The following WWOX variants were observed in gnomAD, a reference collection of about 807,000 sequenced individuals.
WWOX encodes WW domain containing oxidoreductase.
Under a neutral mutation model 46.2 loss-of-function variants are expected in WWOX, and 69 were observed. That is an observed-to-expected ratio of 1.49 (90% CI 1.23 to 1.82). The LOEUF is 1.82. Ranked by LOEUF, WWOX falls within the 40% of genes most tolerant of loss-of-function variation. The pLI is 0.00. For missense variants in WWOX, 919 were observed against 542.6 expected, an observed-to-expected ratio of 1.69 and a Z score of -6.89; for synonymous variants, 359 against 202.6, an observed-to-expected ratio of 1.77 and a Z score of -6.56.
At chr16:78,765,674 G>A (rs964720770) in intron 8 of WWOX, among the ~76,000 whole-genome samples, 1 of 152,032 alleles carries the variant, frequency 6.6e-6, no homozygotes. Flanking sequence ...GTGAGACTCT[G>A]TCTAAAAAAA....
rs76167771 is a variant in WWOX, at chr16:78,736,088, G to A, written c.1056+303336G>A. ...GCTTCGCTTGCTTTATCAAGGGAAT[G>A]TTCTTGGGACAAATGTGTGACAGGT... On this transcript the variant is annotated intron_variant, in intron 8 of 8. Transcript: ENST00000566780. 5.5e-3 allele frequency among the ~76,000 whole-genome samples: 842 copies of A among 152,308 alleles called. 6 individuals are homozygous for A. The highest frequency in any genetic ancestry group is 0.018 in the African/African-American group (763 of 41,562).
At chr16:78,357,028 A>T (rs2081309580) in intron 5 of WWOX, among the ~76,000 whole-genome samples, 1 of 152,176 alleles carries the variant, frequency 6.6e-6, no homozygotes, top group African/African-American at 2.4e-5. Context: ...ATTTGCTGAC[A>T]TCCATTTATC....
intron 8 of WWOX, among the ~76,000 whole-genome samples, chr16:78,991,761 G>A (rs1365292270): frequency 6.6e-6 from 1 of 152,044 alleles, no homozygotes; most frequent in South Asian, 2.1e-4. Flanking sequence ...GAAGGTGAGG[G>A]GCTTAACACA....
intron 8 of WWOX, among the ~76,000 whole-genome samples, 162 bp downstream of exon 8, chr16:78,432,914 G>C (rs1440607118): frequency 1.3e-5 from 2 of 152,188 alleles, no homozygotes; most frequent in African/African-American, 4.8e-5. Context: ...ATCAACTTTA[G>C]GTTAAGTCTG....
intron 5 of WWOX, among the ~76,000 whole-genome samples, chr16:78,386,497 C>A (rs1041922573): frequency 3.9e-5 from 6 of 152,174 alleles, no homozygotes; most frequent in African/African-American, 1.2e-4. Context: ...TTGCATCTTT[C>A]CATGATCGAG....
chr16:79,134,411 G>A (rs889381767), intron 8 of WWOX, among the ~76,000 whole-genome samples: 1 of 152,116 alleles, frequency 6.6e-6, no homozygotes, highest in Admixed American at 6.6e-5. Flanking sequence ...TCTGCAAAGA[G>A]GCAGGGGCTG....
At chr16:78,421,180 G>A (rs1265675394) in intron 6 of WWOX, among the ~76,000 whole-genome samples, 1 of 152,118 alleles carries the variant, frequency 6.6e-6, no homozygotes, top group East Asian at 1.9e-4. Flanking sequence ...ACCACAGATG[G>A]AGTGCCTCAA....
intron 5 of WWOX, among the ~76,000 whole-genome samples, chr16:78,208,904 T>C (rs1047432949): frequency 9.9e-5 from 15 of 152,202 alleles, no homozygotes; most frequent in African/African-American, 3.6e-4. Flanking sequence ...CAGCTTTTTA[T>C]TTATTTATTT....
chr16:78,483,195 T>C (rs1473368137), intron 8 of WWOX, among the ~76,000 whole-genome samples: 2 of 152,186 alleles, frequency 1.3e-5, no homozygotes, highest in East Asian at 1.9e-4. Flanking sequence ...AAAGATACTT[T>C]TACCTTTTTG....
intron 8 of WWOX, among the ~76,000 whole-genome samples, chr16:79,003,890 T>G (rs2047142093): frequency 6.6e-6 from 1 of 152,154 alleles, no homozygotes; most frequent in African/African-American, 2.4e-5. Context: ...ACTCCACCTC[T>G]CGATGAGAGG....
At chr16:79,149,189 C>G (rs547563208) in intron 8 of WWOX, among the ~76,000 whole-genome samples, 45 of 152,216 alleles carry the variant, frequency 3.0e-4, no homozygotes, top group African/African-American at 1.0e-3. Flanking sequence ...TGTTCTTTAT[C>G]AAGTTGAAGT....
At chr16:79,204,984 C>T (rs754178493) in intron 8 of WWOX, 1 of 152,146 alleles carries the variant, frequency 6.6e-6, no homozygotes, top group Non-Finnish European at 1.5e-5. Flanking sequence ...TGTCTTTTGT[C>T]AGGGAGAATG....
rs540036746 is a variant in WWOX at position 78,721,894 on chromosome 16, G to A, written c.1056+289142G>A. ...CACGTGCGTAGGAGCTGGAATTGTCGATAATGTCACAATCTCAGGAAACCC... is the reference window on the plus strand; with the variant it reads ...CACGTGCGTAGGAGCTGGAATTGTCAATAATGTCACAATCTCAGGAAACCC... On this transcript the variant is annotated intron_variant, in intron 8 of 8. Transcript: ENST00000566780. 2.0e-4 allele frequency among the ~76,000 whole-genome samples: 30 copies of A among 152,330 alleles called. No individual in the cohort carries two copies. In the South Asian group the frequency reaches 5.2e-3, roughly 26 times the overall value.
At chr16:78,332,979 A>T (rs1176315159) in intron 5 of WWOX, among the ~76,000 whole-genome samples, 1 of 151,774 alleles carries the variant, frequency 6.6e-6, no homozygotes, top group Non-Finnish European at 1.5e-5. Context: ...CTTATAATAT[A>T]AAACAATCTT....
intron 8 of WWOX, among the ~76,000 whole-genome samples, chr16:78,715,366 C>G (rs1286092447): frequency 1.3e-5 from 2 of 152,090 alleles, no homozygotes; most frequent in Non-Finnish European, 2.9e-5. Flanking sequence ...TTGTGATTCT[C>G]TAGGTTATTC....
intron 8 of WWOX, among the ~76,000 whole-genome samples, chr16:78,592,988 T>C (rs936978835): frequency 6.6e-6 from 1 of 152,172 alleles, no homozygotes; most frequent in Admixed American, 6.5e-5. Flanking sequence ...ATTTAGTTGC[T>C]TGAGCACAGA....
At chr16:78,704,423 C>A (rs1388929101) in intron 8 of WWOX, among the ~76,000 whole-genome samples, 1 of 152,130 alleles carries the variant, frequency 6.6e-6, no homozygotes, top group African/African-American at 2.4e-5. Context: ...ACATGTAGTG[C>A]CAACAAGAAT....
intron 8 of WWOX, among the ~76,000 whole-genome samples, chr16:78,542,528 T>G (rs1378969791): frequency 1.3e-5 from 2 of 152,168 alleles, no homozygotes; most frequent in Middle Eastern, 3.2e-3. Context: ...TGTCAGGGAA[T>G]GAAAACTATG....
At chr16:79,155,494 C>A (rs1268273989) in intron 8 of WWOX, among the ~76,000 whole-genome samples, 10 of 151,966 alleles carry the variant, frequency 6.6e-5, no homozygotes, top group African/African-American at 2.2e-4. Context: ...AAAATGTAAT[C>A]ATTTTAAAAT....
Sources: gnomAD v4.1 joint callset for allele counts (sites outside exome capture counted in the v4.1 genomes callset) on GRCh38, gnomAD v4.1.1 for gene constraint, MANE v1.5 for transcripts, NCBI Gene and HGNC (gene_info 2026-07-23, HGNC 2026-07-21) for gene names.